ITGA11: variants seen among roughly 807,000 people sequenced by gnomAD.
ITGA11 encodes integrin alpha-11.
ITGA11 carries 97 observed loss-of-function variants against 141.9 expected under a neutral mutation model. That is an observed-to-expected ratio of 0.68 (90% CI 0.58 to 0.81). The LOEUF is 0.81. Ranked by LOEUF, ITGA11 falls within the 30% of genes least tolerant of loss-of-function variation. ITGA11 has a pLI of 0.00. For missense variants in ITGA11, 1,387 were observed against 1,559.2 expected (o/e 0.89, Z 1.86); for synonymous variants, 658 against 624.6 (o/e 1.05, Z -0.80).
chr15:68,408,202 C>T (rs1896691977), intron 1 of ITGA11, among the ~76,000 whole-genome samples: 1 of 152,114 alleles, frequency 6.6e-6, no homozygotes, highest in Non-Finnish European at 1.5e-5. Context: ...ATGAGCTTCC[C>T]ATCACCTTTA....
intron 1 of ITGA11, among the ~76,000 whole-genome samples, chr15:68,429,614 C>A (rs564018703): frequency 2.6e-5 from 4 of 152,330 alleles, no homozygotes; most frequent in African/African-American, 9.6e-5. Context: ...CACCAGTAGA[C>A]AAGCTTCCTG....
chr15:68,313,796 A>G lies in ITGA11; in HGVS notation c.2865T>C (p.Ala955=). ...CGGCCCACCTGGTGAAGAGGACGTC[A>G]GCCTCGTATTTGAGGTGGAAGCGTA... ...APLRFHLKYE[A]DVLFTRSSSL... The change falls in exon 23 of 30, where the codon GCT becomes GCC. Residue 955 remains alanine, a synonymous_variant. Coordinates refer to ENST00000315757, the MANE Select transcript of ITGA11 (RefSeq NM_001004439.2). 1.2e-6 allele frequency: 2 copies of G among 1,613,888 alleles called. No individual in the cohort carries two copies. Among genetic ancestry groups the G allele is most frequent in the Non-Finnish European group, 1.7e-6 (2 of 1,179,832 alleles).
intron 22 of ITGA11, 63 bp from the exon 23 acceptor site, chr15:68,313,931 G>T: frequency 7.7e-7 from 1 of 1,304,242 alleles, no homozygotes; most frequent in Non-Finnish European, 1.1e-6. Flanking sequence ...AGCGGGAAGG[G>T]TCTGAGGCAG....
intron 1 of ITGA11, among the ~76,000 whole-genome samples, chr15:68,407,740 CA>C (rs1382454877): frequency 6.6e-6 from 1 of 152,032 alleles, no homozygotes; most frequent in Non-Finnish European, 1.5e-5. Flanking sequence ...GTGTGTCTTT[CA>C]AAAAAAGCAT....
intron 2 of ITGA11, among the ~76,000 whole-genome samples, chr15:68,400,572 C>T (rs1896445115): frequency 1.0e-5 from 1 of 99,312 alleles, no homozygotes; most frequent in Non-Finnish European, 1.9e-5. Flanking sequence ...ATAATATATA[C>T]AGAATATATA....
chr15:68,392,098 C>G (rs1314396699), intron 2 of ITGA11, among the ~76,000 whole-genome samples: 1 of 152,124 alleles, frequency 6.6e-6, no homozygotes, highest in Non-Finnish European at 1.5e-5. Flanking sequence ...ATGATACAGG[C>G]AATTACTATT....
intron 2 of ITGA11, among the ~76,000 whole-genome samples, chr15:68,399,870 C>T (rs2125996): frequency 0.3 from 45,712 of 151,830 alleles, 7,048 homozygotes; most frequent in African/African-American, 0.32. Flanking sequence ...ACCTGGGTGA[C>T]GGGATCACTT....
chr15:68,411,049 G>A lies in ITGA11; in HGVS notation c.53-8020C>T, dbSNP rs143125471. ...GCGTGGCCAACAGGGAACTCACAGT[G>A]GACTGTGAGCATCCCATGAGCAGCA... On this transcript the variant is annotated intron_variant, in intron 1 of 29. Coordinates refer to ENST00000315757, the MANE Select transcript of ITGA11 (RefSeq NM_001004439.2). Among the ~76,000 whole-genome samples the A allele has an allele frequency of 2.9e-3, 442 of 152,332 alleles. 3 individuals are homozygous for A. The highest frequency in any genetic ancestry group is 0.01 in the African/African-American group (431 of 41,578).
chr15:68,357,373 G>A, intron 6 of ITGA11, 74 bp from the exon 7 acceptor site: 1 of 1,532,118 alleles, frequency 6.5e-7, no homozygotes, highest in Non-Finnish European at 8.8e-7. Context: ...TGAGAGTGAG[G>A]ATCCCCGGGA....
At chr15:68,384,683 G>C (rs1382607742) in intron 2 of ITGA11, among the ~76,000 whole-genome samples, 3 of 152,180 alleles carry the variant, frequency 2.0e-5, no homozygotes, top group Non-Finnish European at 4.4e-5. Flanking sequence ...ATCCTATCCT[G>C]GGCTTCGCTT....
intron 28 of ITGA11, among the ~76,000 whole-genome samples, chr15:68,306,656 G>C (rs1321452961): frequency 6.6e-6 from 1 of 152,214 alleles, no homozygotes; most frequent in Non-Finnish European, 1.5e-5. Flanking sequence ...ATACCCCTCT[G>C]CCTGGCATCC....
chr15:68,359,830 A>C (rs1372683259), intron 5 of ITGA11, among the ~76,000 whole-genome samples: 1 of 151,996 alleles, frequency 6.6e-6, no homozygotes, highest in Admixed American at 6.6e-5. Flanking sequence ...TAATGCATAC[A>C]CTCTGCGTCT....
Position 68,411,386 on chromosome 15 carries a change from G to A in ITGA11, c.53-8357C>T, listed in dbSNP as rs1043797338. ...CTTCTTCAAGACTCACCCATCCTGG[G>A]CCCATGCCCTCTGCTCACTACAGAA... is the stretch of plus-strand genomic sequence containing the variant. On this transcript the variant is annotated intron_variant, in intron 1 of 29. Transcript: ENST00000315757. Among the ~76,000 whole-genome samples the A allele has an allele frequency of 1.4e-4, 22 of 152,286 alleles. No individual in the cohort carries two copies. In the East Asian group the frequency reaches 4.2e-3, roughly 29 times the overall value.
In ITGA11 at chr15:68,358,357, C is replaced by T. The variant is rs1325380292; in HGVS notation, c.600+101G>A. On this transcript the variant is annotated intron_variant, in intron 6 of 29. Coordinates refer to ENST00000315757, the MANE Select transcript of ITGA11 (RefSeq NM_001004439.2). ...ACTACCTCTGCCCTCTTACCTACAC[C>T]TCCTTCGTGCATGCAAAGATCTCTC... is the stretch of plus-strand genomic sequence containing the variant. The T allele has an allele frequency of 3.1e-5, 42 of 1,342,794 alleles. No homozygotes were observed. The South Asian group carries it at 5.8e-4, about 19-fold the overall frequency. 83.2% of individuals were successfully genotyped at this position (1,342,794 alleles called of 1,614,324 possible).
At chr15:68,410,807 G>A (rs1397938879) in intron 1 of ITGA11, among the ~76,000 whole-genome samples, 6 of 152,330 alleles carry the variant, frequency 3.9e-5, no homozygotes, top group African/African-American at 1.4e-4. Flanking sequence ...AGGGAGGGGT[G>A]AGGGGACGTG....
At position 68,357,220 on chromosome 15, in the gene ITGA11, TCCA is replaced by T. The variant is rs763620299; in HGVS notation, c.677_679del (p.Val226del). On this transcript the variant is annotated inframe_deletion, in exon 7 of 30. Transcript: ENST00000315757. ...TCTCTGCTCAATGTGGCTGGCAGCT[TCCA>T]CCACATCTTTTACAGACCTGTAGTC... The T allele has an allele frequency of 6.2e-7, 1 of 1,613,992 alleles. No homozygotes were observed.
rs147154626 is a variant in ITGA11 at position 68,325,926 on chromosome 15, C to T, written c.2212-685G>A. Among the ~76,000 whole-genome samples the T allele has an allele frequency of 1.0e-4, 15 of 150,180 alleles. No individual in the cohort carries two copies. Among genetic ancestry groups the T allele is most frequent in the African/African-American group, 2.5e-4 (10 of 39,642 alleles). On this transcript the variant is annotated intron_variant, in intron 17 of 29. Coordinates refer to ENST00000315757, the MANE Select transcript of ITGA11 (RefSeq NM_001004439.2). The surrounding 1 kb of genome is among the most constrained non-coding windows in gnomAD (Gnocchi z 5.5). Reference sequence around the variant, plus strand: ...AGCTTGTTAAAACACAGGGTGCTGGCGCCAGCCCCAGCCCCAGCCCCAGAG... The same window carrying T: ...AGCTTGTTAAAACACAGGGTGCTGGTGCCAGCCCCAGCCCCAGCCCCAGAG...
intron 1 of ITGA11, among the ~76,000 whole-genome samples, chr15:68,411,379 A>T (rs1262752514): frequency 6.6e-6 from 1 of 152,164 alleles, no homozygotes; most frequent in Admixed American, 6.5e-5. Flanking sequence ...AGACTCACCC[A>T]TCCTGGGCCC....
At chr15:68,402,839 C>T in intron 2 of ITGA11, 79 bp downstream of exon 2, 6 of 975,290 alleles carry the variant, frequency 6.2e-6, no homozygotes, top group Non-Finnish European at 9.5e-6. Flanking sequence ...GTGGGGCAGC[C>T]ACAGGGCACA....
Sources: gnomAD v4.1 joint callset for allele counts (sites outside exome capture counted in the v4.1 genomes callset) on GRCh38, gnomAD v4.1.1 for gene constraint, Gnocchi (gnomAD v3.1) non-coding constraint, MANE v1.5 for transcripts, NCBI Gene and HGNC (gene_info 2026-07-23, HGNC 2026-07-21) for gene names.